PIK3CA: variants seen among roughly 807,000 people sequenced by gnomAD.
The protein encoded by PIK3CA is phosphatidylinositol-4,5-bisphosphate 3-kinase catalytic subunit alpha.
PIK3CA carries 27 observed loss-of-function variants against 138.2 expected under a neutral mutation model. The observed-to-expected ratio is 0.20, with a 90% confidence interval of 0.14 to 0.27. PIK3CA has a LOEUF of 0.27. Ranked by LOEUF, PIK3CA falls within the 10% of genes least tolerant of loss-of-function variation. The pLI is 1.00. For synonymous variants in PIK3CA, 358 were observed against 413.2 expected (o/e 0.87, Z 1.62); for missense variants, 544 against 1,277.4 (o/e 0.43, Z 8.75).
chr3:179,178,155 A>G (rs1179443988), intron 1 of PIK3CA, among the ~76,000 whole-genome samples: 1 of 143,942 alleles, frequency 6.9e-6, no homozygotes, highest in African/African-American at 2.6e-5. Flanking sequence ...GCATGGAGGC[A>G]TGTGCCTATA....
Position 179,239,925 on chromosome 3 carries a change from C to T in PIK3CA, c.*5561C>T. The T allele has an allele frequency of 1.1e-6, 1 of 876,696 alleles. No individual in the cohort carries two copies. The highest frequency in any genetic ancestry group is 1.5e-5 in the South Asian group (1 of 64,960). The allele number at this position is 876,696 out of a possible 1,614,324, so 54.3% of individuals were successfully genotyped here. A position where few individuals can be genotyped will look rare whatever the true frequency, so the allele number is the denominator to read the frequency against. Reference sequence around the variant, plus strand: ...CTATATTGAGAATATAGAATAATAACAGTATCACTAAATTTAAGACCTCTT... The same window carrying T: ...CTATATTGAGAATATAGAATAATAATAGTATCACTAAATTTAAGACCTCTT... On this transcript the variant is annotated 3_prime_UTR_variant, in exon 21 of 21. Coordinates refer to ENST00000263967, the MANE Select transcript of PIK3CA (RefSeq NM_006218.4).
chr3:179,155,263 T>C (rs1251719727), intron 1 of PIK3CA, among the ~76,000 whole-genome samples: 1 of 152,252 alleles, frequency 6.6e-6, no homozygotes, highest in Admixed American at 6.5e-5. Flanking sequence ...CATACTGTAG[T>C]GTCCAAATGT....
At chr3:179,181,719 T>C (rs1421138001) in intron 1 of PIK3CA, among the ~76,000 whole-genome samples, 9 of 152,182 alleles carry the variant, frequency 5.9e-5, no homozygotes, top group Admixed American at 5.9e-4. Context: ...TCAAAATTAG[T>C]ATAAGTCTAC....
chr3:179,229,264 T>C lies in PIK3CA; in HGVS notation c.2496-8T>C, dbSNP rs1238675042. The C allele has an allele frequency of 6.2e-7, 1 of 1,602,664 alleles. No homozygotes were observed. Among genetic ancestry groups the C allele is most frequent in the Non-Finnish European group, 8.5e-7 (1 of 1,173,692 alleles). ...CATTTAATTGTAAACGTGTTACTCC[T>C]CTTTCAGAATGTTACCTTATGGTTG... On this transcript the variant is annotated splice_region_variant and splice_polypyrimidine_tract_variant and intron_variant, in intron 17 of 20. Transcript: ENST00000263967.
chr3:179,148,169 GA>G (rs1487183016), upstream of PIK3CA: 6 of 149,450 alleles, frequency 4.0e-5, no homozygotes, highest in Admixed American at 2.7e-4. Flanking sequence ...TCTGCCGGAG[GA>G]GGGGGGGGGC....
intron 1 of PIK3CA, among the ~76,000 whole-genome samples, chr3:179,170,091 C>CACAT (rs1723521748): frequency 1.3e-5 from 2 of 151,972 alleles, no homozygotes; most frequent in African/African-American, 4.8e-5. Flanking sequence ...CACACACACA[C>CACAT]ACACACACGA....
intron 18 of PIK3CA, 37 bp from the exon 19 acceptor site, chr3:179,229,967 A>G: frequency 7.2e-6 from 10 of 1,395,632 alleles, no homozygotes; most frequent in Non-Finnish European, 1.0e-5. Context: ...GAATCACTAT[A>G]TTTCCATACT....
intron 1 of PIK3CA, among the ~76,000 whole-genome samples, chr3:179,169,626 G>T (rs1241101442): frequency 2.0e-5 from 3 of 151,942 alleles, no homozygotes; most frequent in Non-Finnish European, 4.4e-5. Flanking sequence ...AGCAACTATT[G>T]TACTTAAGTT....
chr3:179,191,349 A>C (rs1444809243), intron 1 of PIK3CA, among the ~76,000 whole-genome samples: 1 of 152,214 alleles, frequency 6.6e-6, no homozygotes, highest in Non-Finnish European at 1.5e-5. Context: ...ATGAGAGTGG[A>C]AAATGTTCTG....
chr3:179,217,961 C>T (rs1223144520), intron 9 of PIK3CA, among the ~76,000 whole-genome samples: 4 of 152,044 alleles, frequency 2.6e-5, no homozygotes, highest in Non-Finnish European at 4.4e-5. Flanking sequence ...TCAGCAGTTA[C>T]TATTCTGTGA....
At chr3:179,213,891 C>G (rs1457302673) in intron 9 of PIK3CA, among the ~76,000 whole-genome samples, 2 of 152,268 alleles carry the variant, frequency 1.3e-5, no homozygotes, top group East Asian at 1.9e-4. Context: ...GGATAACTTG[C>G]AGCAGCTTCT....
chr3:179,219,098 T>G lies in PIK3CA; in HGVS notation c.1665-98T>G. Reference sequence around the variant, plus strand: ...AAAAAAGCTAGTAATGTAAGAAGTTTGGGACTTCTTAAGAAGATTCATATG... The same window carrying G: ...AAAAAAGCTAGTAATGTAAGAAGTTGGGGACTTCTTAAGAAGATTCATATG... On this transcript the variant is annotated intron_variant, in intron 10 of 20. Transcript: ENST00000263967. This position sits in a 1 kb window ranked among gnomAD's most constrained non-coding sequence, Gnocchi z 4.2. The G allele has an allele frequency of 1.5e-6, 1 of 660,226 alleles. No individual in the cohort carries two copies. Among genetic ancestry groups the G allele is most frequent in the Non-Finnish European group, 2.7e-6 (1 of 372,084 alleles). 40.9% of individuals were successfully genotyped at this position (660,226 alleles called of 1,614,324 possible).
At chr3:179,221,696 CTT>C (rs200211358) in intron 14 of PIK3CA, among the ~76,000 whole-genome samples, 1,578 of 77,196 alleles carry the variant, frequency 0.02, 4 homozygotes, top group Non-Finnish European at 0.029. Flanking sequence ...ACAATGTAAA[CTT>C]TTTTTTTTTT....
chr3:179,238,382 TTTC>T lies in PIK3CA; in HGVS notation c.*4021_*4023del, dbSNP rs1231480596. The T allele has an allele frequency of 9.2e-6, 2 of 217,676 alleles. No individual in the cohort carries two copies. Among genetic ancestry groups the T allele is most frequent in the Non-Finnish European group, 1.8e-5 (2 of 108,168 alleles). 13.5% of individuals were successfully genotyped at this position (217,676 alleles called of 1,614,324 possible). A position where few individuals can be genotyped will look rare whatever the true frequency, so the allele number is the denominator to read the frequency against. On this transcript the variant is annotated 3_prime_UTR_variant, in exon 21 of 21. Transcript: ENST00000263967. ...ATGTGCCATGGCCTGGGAAGCCTGC[TTTC>T]TTTTTTCATAAAAATTATTTTTACT...
intron 1 of PIK3CA, chr3:179,169,016 T>G (rs184897665): frequency 2.6e-4 from 39 of 152,190 alleles, no homozygotes; most frequent in Non-Finnish European, 4.7e-4. Flanking sequence ...GGTTAAACTT[T>G]TGAGATGTTT....
At chr3:179,205,621 T>C (rs1364225800) in intron 6 of PIK3CA, among the ~76,000 whole-genome samples, 1 of 152,144 alleles carries the variant, frequency 6.6e-6, no homozygotes, top group Non-Finnish European at 1.5e-5. Context: ...AATTTGTTAG[T>C]GGGAGAGGGA....
At chr3:179,197,272 C>T (rs576449296) in intron 1 of PIK3CA, among the ~76,000 whole-genome samples, 5 of 152,166 alleles carry the variant, frequency 3.3e-5, no homozygotes, top group Admixed American at 2.6e-4. Flanking sequence ...CTCCTGACCT[C>T]GTGATCTGCC....
At chr3:179,201,079 T>C (rs376221789) in intron 3 of PIK3CA, among the ~76,000 whole-genome samples, 10 of 152,306 alleles carry the variant, frequency 6.6e-5, no homozygotes, top group East Asian at 3.9e-4. Flanking sequence ...TTTTGTGTGC[T>C]TGTCATAAAA....
At chr3:179,148,201 C>G (rs909348253), upstream of PIK3CA, 1 of 149,560 alleles carries the variant, frequency 6.7e-6, no homozygotes, top group Non-Finnish European at 1.5e-5. Context: ...GGGAAGAGTT[C>G]GTTGTTTGTT....
Sources: gnomAD v4.1 joint callset for allele counts (sites outside exome capture counted in the v4.1 genomes callset) on GRCh38, gnomAD v4.1.1 for gene constraint, Gnocchi (gnomAD v3.1) non-coding constraint, MANE v1.5 for transcripts, NCBI Gene and HGNC (gene_info 2026-07-23, HGNC 2026-07-21) for gene names.